FAM227B: variants seen among roughly 807,000 people sequenced by gnomAD.
FAM227B encodes the protein family with sequence similarity 227 member B, also known as protein FAM227B.
A neutral mutation model predicts 73.8 loss-of-function variants in FAM227B; 88 were observed. The ratio of observed to expected loss-of-function variants is 1.19; its 90% confidence interval spans 1.00 to 1.42. FAM227B has a LOEUF of 1.42. Ranked by LOEUF, FAM227B falls within the 40% of genes most tolerant of loss-of-function variation. FAM227B has a pLI of 0.00. For missense variants in FAM227B, 632 were observed against 590.9 expected (o/e 1.07, Z -0.72); for synonymous variants, 210 against 190.5 (o/e 1.10, Z -0.84).
At chr15:49,605,660 C>A (rs1165480784) in intron 3 of FAM227B, among the ~76,000 whole-genome samples, 2 of 151,794 alleles carry the variant, frequency 1.3e-5, no homozygotes, top group Non-Finnish European at 2.9e-5. Flanking sequence ...TCTACTTGTG[C>A]AGACCTGGTC....
intron 9 of FAM227B, among the ~76,000 whole-genome samples, chr15:49,543,773 T>C (rs1255799632): frequency 6.6e-6 from 1 of 152,186 alleles, no homozygotes; most frequent in Non-Finnish European, 1.5e-5. Flanking sequence ...TCCCACTTTA[T>C]GTTTTTGTTT....
intron 11 of FAM227B, chr15:49,424,074 G>A (rs1462811968): frequency 9.5e-6 from 4 of 419,338 alleles, no homozygotes; most frequent in African/African-American, 4.0e-5. Context: ...AACTTACTAC[G>A]AACTGTTTTT....
At chr15:49,393,059 T>C (rs372390160) in intron 11 of FAM227B, among the ~76,000 whole-genome samples, 5 of 152,312 alleles carry the variant, frequency 3.3e-5, no homozygotes, top group East Asian at 3.9e-4. Flanking sequence ...TACCTGTTAC[T>C]GTAGAAGTAT....
chr15:49,373,087 T>C (rs1435556784), intron 11 of FAM227B, among the ~76,000 whole-genome samples: 2 of 152,014 alleles, frequency 1.3e-5, no homozygotes, highest in African/African-American at 4.8e-5. Flanking sequence ...TAATACTTAA[T>C]ATATATGATA....
At chr15:49,603,144 A>G (rs1283246522) in intron 3 of FAM227B, among the ~76,000 whole-genome samples, 3 of 152,178 alleles carry the variant, frequency 2.0e-5, no homozygotes, top group Non-Finnish European at 4.4e-5. Context: ...GCGGTTTCAT[A>G]TAAATTTTAG....
At position 49,389,604 on chromosome 15, in the gene FAM227B, T is replaced by TAA. The variant is rs5812483; in HGVS notation, c.1013-18207_1013-18206dup. 4.1e-4 allele frequency among the ~76,000 whole-genome samples: 60 copies of TAA among 148,052 alleles called. 1 individual carries two copies. Among genetic ancestry groups the TAA allele is most frequent in the African/African-American group, 1.1e-3 (46 of 40,500 alleles). ...GCACTATGTAATTCATCCATCCATG[T>TAA]AAAAAAAAAACCATTGTACCTCAAA... On this transcript the variant is annotated intron_variant, in intron 11 of 15. Coordinates refer to ENST00000299338, the MANE Select transcript of FAM227B (RefSeq NM_152647.3).
intron 11 of FAM227B, among the ~76,000 whole-genome samples, chr15:49,420,997 T>C (rs2049581473): frequency 6.6e-6 from 1 of 152,128 alleles, no homozygotes; most frequent in African/African-American, 2.4e-5. Context: ...TGAGCCACCA[T>C]GCTGGGCCAG....
intron 11 of FAM227B, among the ~76,000 whole-genome samples, chr15:49,397,031 A>T (rs1331319099): frequency 6.6e-6 from 1 of 152,232 alleles, no homozygotes; most frequent in Non-Finnish European, 1.5e-5. Flanking sequence ...AGAAGGCTTC[A>T]GATGATCAAA....
chr15:49,532,953 C>T lies in FAM227B; in HGVS notation c.874+8727G>A, dbSNP rs78264441. On this transcript the variant is annotated intron_variant, in intron 10 of 15. Transcript: ENST00000299338. ...CACTTGTAAGTCCTTAAGAAAGGCT[C>T]GTGTGACTAAAACTCCCTAAACTTT... Among the ~76,000 whole-genome samples the T allele has an allele frequency of 7.9e-4, 120 of 151,980 alleles. 2 individuals are homozygous for T. In the East Asian group the frequency reaches 0.017, roughly 21 times the overall value.
At chr15:49,385,719 T>TA (rs549708702) in intron 11 of FAM227B, among the ~76,000 whole-genome samples, 17 of 151,460 alleles carry the variant, frequency 1.1e-4, no homozygotes, top group South Asian at 2.1e-4. Flanking sequence ...GCAGAATGGA[T>TA]AAAAAAATCA....
intron 11 of FAM227B, among the ~76,000 whole-genome samples, chr15:49,468,195 T>C (rs2054433258): frequency 1.3e-5 from 2 of 152,152 alleles, no homozygotes; most frequent in African/African-American, 4.8e-5. Context: ...TTTGACATCA[T>C]TATAAAATAT....
chr15:49,575,214 C>T, intron 7 of FAM227B, 105 bp from the exon 8 acceptor site: 1 of 489,994 alleles, frequency 2.0e-6, no homozygotes, highest in Non-Finnish European at 3.5e-6. Context: ...GCTTATAGAT[C>T]AGCACTGTCC....
intron 11 of FAM227B, chr15:49,424,677 G>A: frequency 2.9e-6 from 3 of 1,020,376 alleles, no homozygotes; most frequent in South Asian, 2.2e-5. Context: ...TTTGCTTCTT[G>A]GAAAAAAAAT....
intron 11 of FAM227B, among the ~76,000 whole-genome samples, chr15:49,491,578 A>G (rs34414487): frequency 0.25 from 37,779 of 151,724 alleles, 5,665 homozygotes; most frequent in Non-Finnish European, 0.35. Flanking sequence ...CAATCAATCC[A>G]TACCCTGCTC....
At chr15:49,563,867 T>C (rs1381482836) in intron 9 of FAM227B, among the ~76,000 whole-genome samples, 2 of 152,018 alleles carry the variant, frequency 1.3e-5, no homozygotes, top group Non-Finnish European at 2.9e-5. Context: ...AAATATAAGA[T>C]GTAATACTAT....
intron 11 of FAM227B, chr15:49,434,412 C>T (rs1290924065): frequency 6.6e-6 from 1 of 151,182 alleles, no homozygotes; most frequent in Admixed American, 6.6e-5. Flanking sequence ...GGGAGAACTC[C>T]AAGTCAGAGT....
chr15:49,503,863 T>C (rs2058357261), intron 11 of FAM227B, among the ~76,000 whole-genome samples: 1 of 152,160 alleles, frequency 6.6e-6, no homozygotes, highest in Non-Finnish European at 1.5e-5. Flanking sequence ...TGGAAGTCAG[T>C]GTGGCGATTC....
intron 11 of FAM227B, among the ~76,000 whole-genome samples, chr15:49,406,608 C>T (rs1004098488): frequency 2.0e-5 from 3 of 151,988 alleles, no homozygotes; most frequent in Non-Finnish European, 2.9e-5. Flanking sequence ...GGCTAAGTGC[C>T]GGCCAAGGCT....
In FAM227B at chr15:49,397,980, C is replaced by G. The variant is rs1437134690; in HGVS notation, c.1013-26581G>C. ...CCAGCTAACATCATAATGACAGGAT[C>G]AAATTCACACATAACAACATTAACT... On this transcript the variant is annotated intron_variant, in intron 11 of 15. Transcript: ENST00000299338. Among the ~76,000 whole-genome samples, 4 of 152,214 alleles carry G rather than the reference C, an allele frequency of 2.6e-5. No individual in the cohort carries two copies. In the East Asian group the frequency reaches 7.7e-4, roughly 29 times the overall value.
Sources: gnomAD v4.1 joint callset for allele counts (sites outside exome capture counted in the v4.1 genomes callset) on GRCh38, gnomAD v4.1.1 for gene constraint, MANE v1.5 for transcripts, NCBI Gene and HGNC (gene_info 2026-07-23, HGNC 2026-07-21) for gene names.